Variants in RETREG2 observed in about 807,000 individuals in gnomAD.
RETREG2 encodes the protein reticulophagy regulator family member 2, also known as reticulophagy regulator 2.
A neutral mutation model predicts 51.6 loss-of-function variants in RETREG2; 21 were observed. The ratio of observed to expected loss-of-function variants is 0.41; its 90% CI spans 0.29 to 0.59. The LOEUF is 0.59. Ranked by LOEUF, RETREG2 falls within the 20% of genes least tolerant of loss-of-function variation. The probability of loss-of-function intolerance (pLI) is 0.34; values close to 1 mark genes in which losing one functional copy is unlikely to be tolerated. For synonymous variants in RETREG2, 339 were observed against 288.6 expected, an observed-to-expected ratio of 1.17 and a Z score of -1.77; for missense variants, 674 against 646.0, an observed-to-expected ratio of 1.04 and a Z score of -0.47.
rs1464640351 is a variant in RETREG2 at position 219,182,460 on chromosome 2, C to A, written c.1463C>A (p.Thr488Asn). Residue 488 changes from threonine to asparagine, a missense_variant, in exon 9 of 9, where the codon ACC becomes AAC. Coordinates refer to ENST00000430297, the MANE Select transcript of RETREG2 (RefSeq NM_024293.6). ...GCCCCTGAGGAAGAAGAGGCACTCA[C>A]CACTGAGGACTTTGAGTTGCTGGAT... ...LPAPEEEEAL[T>N]TEDFELLDQG... 6.2e-7 allele frequency: 1 copy of A among 1,613,796 alleles called. No homozygotes were observed. The highest frequency in any genetic ancestry group is 1.3e-5 in the African/African-American group (1 of 74,812).
intron 1 of RETREG2, 22 bp downstream of exon 1, chr2:219,178,655 G>GCGGGGC (rs1950225029): frequency 3.5e-6 from 5 of 1,433,488 alleles, no homozygotes; most frequent in South Asian, 2.9e-5. Context: ...GGAGGAGGGG[G>GCGGGGC]CGGGGCCGGG....
In RETREG2 at chr2:219,178,908, T is replaced by A; in HGVS notation, c.282-14T>A. ...CTCACCCACTCACTGCTGAGGTGCC[T>A]GTCTCTCCCTAAGGTTGCTGTCTTC... is the stretch of plus-strand genomic sequence containing the variant. On this transcript the variant is annotated splice_polypyrimidine_tract_variant and intron_variant, in intron 1 of 8. Transcript: ENST00000430297. 6.3e-7 allele frequency: 1 copy of A among 1,585,324 alleles called. No individual in the cohort carries two copies. The highest frequency in any genetic ancestry group is 8.7e-7 in the Non-Finnish European group (1 of 1,155,796).
chr2:219,180,396 C>A, intron 4 of RETREG2, 151 bp downstream of exon 4: 1 of 1,113,098 alleles, frequency 9.0e-7, no homozygotes. Flanking sequence ...CAGCTAATCC[C>A]TGGTGCAGGA....
In RETREG2 at chr2:219,178,352, T is replaced by A. The variant is rs1055412656; in HGVS notation, c.-1T>A. The A allele has an allele frequency of 3.2e-4, 140 of 440,896 alleles. 1 individual carries two copies. The highest frequency in any genetic ancestry group is 2.4e-3 in the African/African-American group (114 of 48,398). The allele number at this position is 440,896 out of a possible 1,614,324, so 27.3% of individuals were successfully genotyped here. ...GCTCGGGCGGCGGCTGCGGCGGGGC[T>A]ATGGCGAGCGGCGGTGGCGGGGGTA... On this transcript the variant is annotated 5_prime_UTR_variant, in exon 1 of 9. Coordinates refer to ENST00000430297, the MANE Select transcript of RETREG2 (RefSeq NM_024293.6).
chr2:219,179,075 T>C (rs769296535), intron 2 of RETREG2, 47 bp downstream of exon 2: 1 of 1,407,226 alleles, frequency 7.1e-7, no homozygotes, highest in East Asian at 2.3e-5. Context: ...ACTTGCTTGG[T>C]GCCTGATTCC....
In RETREG2 at chr2:219,181,461, G is replaced by T. The variant is rs374541516; in HGVS notation, c.877G>T (p.Val293Leu). 16 of 1,613,972 alleles carry T rather than the reference G, an allele frequency of 9.9e-6. No homozygotes were observed. In the African/African-American group the frequency reaches 1.6e-4, roughly 16 times the overall value. Residue 293 changes from valine (V) to leucine (L), a missense_variant and splice_region_variant, in exon 7 of 9, where the codon GTG (valine) becomes TTG (leucine). Transcript: ENST00000430297. ...SEAELAGFSP[V>L]VDVKKTALAL... Reference sequence around the variant, plus strand: ...GGCAGAGCTGGCTGGCTTCTCCCCAGTGGTGAGGTCCAGGGAAAGCGGGGG... The same window carrying T: ...GGCAGAGCTGGCTGGCTTCTCCCCATTGGTGAGGTCCAGGGAAAGCGGGGG...
At position 219,178,462 on chromosome 2, in the gene RETREG2, G is replaced by A. The variant is rs758605006; in HGVS notation, c.110G>A (p.Ser37Asn). The A allele has an allele frequency of 2.2e-6, 2 of 920,822 alleles. No homozygotes were observed. Among genetic ancestry groups the A allele is most frequent in the South Asian group, 1.8e-5 (1 of 56,590 alleles). 57.0% of individuals were successfully genotyped at this position (920,822 alleles called of 1,614,324 possible). ...AGCCTAGGCATGAGTGAGGCCACCA[G>A]TGAGGCAGAGGAGGAGGCGGCCACG... ...GLSLGMSEATSEAEEEAATAE... is the reference protein window; with the variant it reads ...GLSLGMSEATNEAEEEAATAE... Residue 37 changes from serine (S) to asparagine (N), a missense_variant, in exon 1 of 9, where the codon AGT (serine) becomes AAT (asparagine). Transcript: ENST00000430297.
rs749687152 is a variant in RETREG2, at chr2:219,182,592, A to G, written c.1595A>G (p.Gln532Arg). Residue 532 changes from glutamine (Q) to arginine (R), a missense_variant, in exon 9 of 9, where the codon CAG (glutamine) becomes CGG (arginine). Physicochemically the swap from Gln to Arg is conservative, Grantham distance 43 (BLOSUM62 1). Transcript: ENST00000430297. Reference sequence around the variant, plus strand: ...GGGCCCGACATCCATTCTCTGGTACAGTCAGACCAAGAAGCTCAGGCCGTG... The same window carrying G: ...GGGCCCGACATCCATTCTCTGGTACGGTCAGACCAAGAAGCTCAGGCCGTG... ...PLGPDIHSLV[Q>R]SDQEAQAVAE... is the part of the protein sequence containing the mutation. 4.3e-6 allele frequency: 7 copies of G among 1,614,180 alleles called. No homozygotes were observed. The highest frequency in any genetic ancestry group is 1.7e-5 in the Admixed American group (1 of 60,024).
At chr2:219,179,985 C>A in intron 3 of RETREG2, 125 bp from the exon 4 acceptor site, 1 of 1,363,814 alleles carries the variant, frequency 7.3e-7, no homozygotes, top group Non-Finnish European at 1.0e-6. Flanking sequence ...CCAGGACAGC[C>A]TCCTTTTGAG....
chr2:219,180,386 C>T, intron 4 of RETREG2, 141 bp downstream of exon 4: 2 of 1,144,168 alleles, frequency 1.7e-6, no homozygotes, highest in Non-Finnish European at 2.5e-6. Context: ...GCAACATTCA[C>T]AGCTAATCCC....
Position 219,178,594 on chromosome 2 carries a change from A to G in RETREG2, c.242A>G (p.His81Arg), listed in dbSNP as rs1454553446. 2.7e-6 allele frequency: 4 copies of G among 1,471,308 alleles called. No homozygotes were observed. Among genetic ancestry groups the G allele is most frequent in the Non-Finnish European group, 3.6e-6 (4 of 1,119,868 alleles). 91.1% of individuals were successfully genotyped at this position (1,471,308 alleles called of 1,614,324 possible). ...TTGCTGGTGTGGGAGAAGCCGCTGC[A>G]CAGCCTGGTCACGGCGGCCGCGCTC... ...QRLLVWEKPL[H>R]SLVTAAALNG... The change falls in exon 1 of 9, where the codon CAC becomes CGC. Residue 81 changes from histidine to arginine, a missense_variant. By Grantham distance (29) the His-to-Arg change is conservative. Coordinates refer to ENST00000430297, the MANE Select transcript of RETREG2 (RefSeq NM_024293.6).
rs1015427334 is a variant in RETREG2, at chr2:219,184,612, A to C, written c.*1983A>C. On this transcript the variant is annotated 3_prime_UTR_variant, in exon 9 of 9. Transcript: ENST00000430297. ...AGATTTCAGAGGGGAATGGAAAAACAGTTCTAATCAATAAGCAAGCAATTC... is the reference window on the plus strand; with the variant it reads ...AGATTTCAGAGGGGAATGGAAAAACCGTTCTAATCAATAAGCAAGCAATTC... 1.3e-5 allele frequency: 2 copies of C among 152,202 alleles called. No homozygotes were observed. The highest frequency in any genetic ancestry group is 2.9e-5 in the Non-Finnish European group (2 of 68,036). The allele number at this position is 152,202 out of a possible 1,614,324, so 9.4% of individuals were successfully genotyped here.
chr2:219,182,741 C>G lies in RETREG2; in HGVS notation c.*112C>G. 7.6e-7 allele frequency: 1 copy of G among 1,324,202 alleles called. No individual in the cohort carries two copies. The highest frequency in any genetic ancestry group is 1.0e-6 in the Non-Finnish European group (1 of 966,892). 82.0% of individuals were successfully genotyped at this position (1,324,202 alleles called of 1,614,324 possible). A position where few individuals can be genotyped will look rare whatever the true frequency, so the allele number is the denominator to read the frequency against. The stretch of plus-strand genomic sequence containing the variant: ...GTGGGGCAGTGTGTGGGGAAGCTGG[C>G]TGTCGGATGGTAGCTATTCCACCCT... On this transcript the variant is annotated 3_prime_UTR_variant, in exon 9 of 9. Transcript: ENST00000430297.
In RETREG2 at chr2:219,178,461, A is replaced by T; in HGVS notation, c.109A>T (p.Ser37Cys). 1.1e-6 allele frequency: 1 copy of T among 886,112 alleles called. No homozygotes were observed. Among genetic ancestry groups the T allele is most frequent in the Non-Finnish European group, 1.7e-6 (1 of 604,100 alleles). The allele number at this position is 886,112 out of a possible 1,614,324, so 54.9% of individuals were successfully genotyped here. ...GLSLGMSEAT[S>C]EAEEEAATAE... ...GAGCCTAGGCATGAGTGAGGCCACC[A>T]GTGAGGCAGAGGAGGAGGCGGCCAC... Residue 37 changes from serine to cysteine, a missense_variant, in exon 1 of 9, where the codon AGT (serine) becomes TGT (cysteine). Physicochemically the swap from Ser to Cys is moderately radical, Grantham distance 112. Coordinates refer to ENST00000430297, the MANE Select transcript of RETREG2 (RefSeq NM_024293.6).
Position 219,178,484 on chromosome 2 carries a change from C to T in RETREG2, c.132C>T (p.Ala44=). The change falls in exon 1 of 9, where the codon GCC becomes GCT. Residue 44 remains alanine, a synonymous_variant. Transcript: ENST00000430297. ...EATSEAEEEA[A]TAEAVGRLAT... The stretch of plus-strand genomic sequence containing the variant: ...CCAGTGAGGCAGAGGAGGAGGCGGC[C>T]ACGGCCGAGGCGGTGGGACGCCTGG... The T allele has an allele frequency of 1.6e-6, 2 of 1,218,022 alleles. No homozygotes were observed. Among genetic ancestry groups the T allele is most frequent in the South Asian group, 1.6e-5 (1 of 62,430 alleles). 75.5% of individuals were successfully genotyped at this position (1,218,022 alleles called of 1,614,324 possible).
intron 8 of RETREG2, 71 bp downstream of exon 8, chr2:219,181,846 GCTCTCTGGCCCACTCA>G: frequency 6.3e-7 from 1 of 1,587,232 alleles, no homozygotes; most frequent in Non-Finnish European, 8.6e-7. Flanking sequence ...TACTTACTGT[GCTCTCTGGCCCACTCA>G]CTCTCTAATT....
intron 4 of RETREG2, among the ~76,000 whole-genome samples, chr2:219,180,455 C>T (rs932721020): frequency 6.6e-6 from 1 of 152,236 alleles, no homozygotes; most frequent in Admixed American, 6.5e-5. Flanking sequence ...ACACTTTCTC[C>T]TGCCAAGGCA....
At chr2:219,181,828 A>G (rs1051300792) in intron 8 of RETREG2, 53 bp downstream of exon 8, 5 of 1,600,378 alleles carry the variant, frequency 3.1e-6, no homozygotes, top group Middle Eastern at 1.7e-4. Context: ...TGTGTTCCCT[A>G]CCATGGGTAC....
chr2:219,181,973 C>G (rs372045667), intron 8 of RETREG2, 40 bp from the exon 9 acceptor site: 2 of 1,601,480 alleles, frequency 1.2e-6, no homozygotes, highest in Non-Finnish European at 1.7e-6. Flanking sequence ...CTAATCAGAC[C>G]AGCAGCAGGC....
Sources: allele counts gnomAD v4.1 joint callset (sites outside exome capture counted in the v4.1 genomes callset), GRCh38; gene constraint gnomAD v4.1.1; transcripts MANE v1.5; gene names NCBI Gene and HGNC (gene_info 2026-07-23, HGNC 2026-07-21).